Variants in GRIK4 observed in about 807,000 individuals in gnomAD.
GRIK4 encodes glutamate ionotropic receptor kainate type subunit 4, also known as glutamate receptor ionotropic, kainate 4.
A neutral mutation model predicts 104.9 loss-of-function variants in GRIK4; 40 were observed. The observed-to-expected ratio is 0.38, with a 90% CI of 0.30 to 0.50. GRIK4 has a LOEUF of 0.50. Among genes scored for constraint, GRIK4 ranks in the 20% least tolerant of loss-of-function variants. The pLI is 0.93. For missense variants in GRIK4, 1,047 were observed against 1,308.1 expected (o/e 0.80, Z 3.08); for synonymous variants, 485 against 524.9 (o/e 0.92, Z 1.04).
At chr11:120,771,448 A>G (rs1951940451) in intron 3 of GRIK4, among the ~76,000 whole-genome samples, 1 of 152,260 alleles carries the variant, frequency 6.6e-6, no homozygotes, top group African/African-American at 2.4e-5. Flanking sequence ...ATTTCTAAGC[A>G]AAGTGTTGAA....
At position 120,615,252 on chromosome 11, in the gene GRIK4, A is replaced by G. The variant is rs530647522; in HGVS notation, c.-158-38433A>G. Among the ~76,000 whole-genome samples the G allele has an allele frequency of 4.6e-5, 7 of 152,324 alleles. No individual in the cohort carries two copies. In the East Asian group the frequency reaches 1.4e-3, roughly 29 times the overall value. The stretch of plus-strand genomic sequence containing the variant: ...CGATTGAGGCCCTGAACCTAGTACC[A>G]TACCATCTTTCCTGGCTGCGCTCAC... On this transcript the variant is annotated intron_variant, in intron 1 of 20. Coordinates refer to ENST00000527524, the MANE Select transcript of GRIK4 (RefSeq NM_014619.5).
chr11:120,717,728 T>TG (rs1303555675), intron 3 of GRIK4, among the ~76,000 whole-genome samples: 3 of 151,766 alleles, frequency 2.0e-5, no homozygotes, highest in African/African-American at 7.3e-5. Flanking sequence ...AGGGCTTGGG[T>TG]GGGGAAAGCC....
chr11:120,826,283 T>A (rs920683656), intron 6 of GRIK4, among the ~76,000 whole-genome samples: 1 of 152,176 alleles, frequency 6.6e-6, no homozygotes, highest in African/African-American at 2.4e-5. Flanking sequence ...AGGGACCATC[T>A]TTCCTACAGT....
intron 6 of GRIK4, among the ~76,000 whole-genome samples, chr11:120,825,376 G>A (rs75622430): frequency 7.9e-5 from 12 of 152,244 alleles, no homozygotes; most frequent in East Asian, 1.9e-4. Context: ...CCTCGCTCCC[G>A]GGATGGCTGA....
At chr11:120,644,203 G>T (rs112370801) in intron 1 of GRIK4, among the ~76,000 whole-genome samples, 2 of 151,992 alleles carry the variant, frequency 1.3e-5, no homozygotes, top group African/African-American at 2.4e-5. Context: ...CTTATGCCTC[G>T]CACACATTAA....
chr11:120,594,535 C>A (rs1483750317), intron 1 of GRIK4, among the ~76,000 whole-genome samples: 1 of 152,100 alleles, frequency 6.6e-6, no homozygotes, highest in African/African-American at 2.4e-5. Flanking sequence ...CCTTATAAGG[C>A]CCTTGTAATG....
chr11:120,868,273 T>C (rs1954480529), intron 9 of GRIK4: 1 of 151,786 alleles, frequency 6.6e-6, no homozygotes, highest in Admixed American at 6.6e-5. Flanking sequence ...CAAAAGAAAA[T>C]AACAATGAAG....
chr11:120,649,980 C>T (rs144795379), intron 1 of GRIK4, among the ~76,000 whole-genome samples: 112 of 152,294 alleles, frequency 7.4e-4, no homozygotes, highest in Non-Finnish European at 1.5e-3. Context: ...TTGCCAGGAG[C>T]GCATGTCCCC....
chr11:120,791,671 C>A (rs747000721), intron 3 of GRIK4, among the ~76,000 whole-genome samples: 6 of 152,126 alleles, frequency 3.9e-5, no homozygotes, highest in Non-Finnish European at 8.8e-5. Flanking sequence ...TCTAAGAAAT[C>A]TTTGCCTAAC....
At chr11:120,663,831 A>G (rs1235611873) in intron 3 of GRIK4, among the ~76,000 whole-genome samples, 3 of 152,062 alleles carry the variant, frequency 2.0e-5, no homozygotes, top group African/African-American at 7.2e-5. Context: ...TTCCTCCTCC[A>G]TCACCATCAG....
In GRIK4 at chr11:120,647,329, G is replaced by C. The variant is rs148849051; in HGVS notation, c.-158-6356G>C. ...CACACTACCCCCAACATGTTGCTAG[G>C]TGTCTGTTAACTTCTCCAGGCCATC... On this transcript the variant is annotated intron_variant, in intron 1 of 20. Coordinates refer to ENST00000527524, the MANE Select transcript of GRIK4 (RefSeq NM_014619.5). Among the ~76,000 whole-genome samples the C allele has an allele frequency of 2.8e-3, 426 of 152,314 alleles. 3 individuals are homozygous for C. In the East Asian group the frequency reaches 0.032, roughly 12 times the overall value.
At chr11:120,908,419 A>G (rs368633022) in intron 13 of GRIK4, among the ~76,000 whole-genome samples, 2,121 of 138,960 alleles carry the variant, frequency 0.015, 52 homozygotes, top group African/African-American at 0.054. Context: ...AAAGATTTAA[A>G]ATAACACACA....
chr11:120,669,577 A>G (rs951536150), intron 3 of GRIK4, among the ~76,000 whole-genome samples: 6 of 152,258 alleles, frequency 3.9e-5, no homozygotes, highest in Non-Finnish European at 1.5e-5. Flanking sequence ...TGCTAAATCC[A>G]GTGATCTGTC....
intron 1 of GRIK4, among the ~76,000 whole-genome samples, chr11:120,592,331 C>A (rs1317154916): frequency 2.6e-5 from 4 of 152,192 alleles, no homozygotes; most frequent in African/African-American, 9.7e-5. Context: ...CGTGTGTGTG[C>A]ACACGCCTCT....
At chr11:120,822,849 A>C (rs1953161900) in intron 6 of GRIK4, among the ~76,000 whole-genome samples, 1 of 152,246 alleles carries the variant, frequency 6.6e-6, no homozygotes, top group African/African-American at 2.4e-5. Flanking sequence ...TGGCCAAAAC[A>C]TGTATTTGCT....
At chr11:120,770,310 C>T (rs558087641) in intron 3 of GRIK4, among the ~76,000 whole-genome samples, 1 of 152,324 alleles carries the variant, frequency 6.6e-6, no homozygotes, top group Non-Finnish European at 1.5e-5. Flanking sequence ...CTGTTTATGC[C>T]ACATAGTGAA....
intron 3 of GRIK4, among the ~76,000 whole-genome samples, chr11:120,682,881 T>C (rs1397576434): frequency 1.3e-5 from 2 of 151,978 alleles, no homozygotes; most frequent in Non-Finnish European, 2.9e-5. Flanking sequence ...TCCACCTCTG[T>C]CACTACACTT....
At chr11:120,673,036 C>T (rs925859446) in intron 3 of GRIK4, among the ~76,000 whole-genome samples, 2 of 152,204 alleles carry the variant, frequency 1.3e-5, no homozygotes, top group Non-Finnish European at 2.9e-5. Flanking sequence ...AGCTTTTGCC[C>T]AGTCGGTATG....
chr11:120,965,085 T>C (rs1324144337), intron 18 of GRIK4, among the ~76,000 whole-genome samples: 2 of 152,270 alleles, frequency 1.3e-5, no homozygotes, highest in African/African-American at 4.8e-5. Context: ...GATACAAGCA[T>C]GTATATCATT....
Sources: gnomAD v4.1 joint callset for allele counts (sites outside exome capture counted in the v4.1 genomes callset) on GRCh38, gnomAD v4.1.1 for gene constraint, MANE v1.5 for transcripts, NCBI Gene and HGNC (gene_info 2026-07-23, HGNC 2026-07-21) for gene names.